HSF2: variants seen among roughly 807,000 people sequenced by gnomAD.
HSF2 encodes heat shock transcription factor 2, also known as heat shock factor protein 2.
A neutral mutation model predicts 65.0 loss-of-function variants in HSF2; 21 were observed. That is an observed-to-expected ratio of 0.32 (90% CI 0.23 to 0.47). The LOEUF (loss-of-function observed/expected upper bound fraction) is 0.47, where lower values mean the gene tolerates loss of function less well. HSF2 is among the 20% of genes least tolerant of loss of function. The pLI, the probability that HSF2 is intolerant of heterozygous loss-of-function variation, is 1.00. For synonymous variants in HSF2, 225 were observed against 219.1 expected (o/e 1.03, Z -0.24); for missense variants, 499 against 628.1 (o/e 0.79, Z 2.20).
chr6:122,417,975 T>G (rs990388818), intron 5 of HSF2, among the ~76,000 whole-genome samples: 4 of 152,184 alleles, frequency 2.6e-5, no homozygotes, highest in Non-Finnish European at 4.4e-5. Flanking sequence ...AATGTCTATA[T>G]TTTTTTCCAT....
chr6:122,420,919 C>T (rs1043424297), intron 7 of HSF2, among the ~76,000 whole-genome samples: 6 of 151,258 alleles, frequency 4.0e-5, no homozygotes, highest in South Asian at 4.2e-4. Context: ...ATCATGTCAC[C>T]TTTGCTGGTC....
intron 1 of HSF2, among the ~76,000 whole-genome samples, chr6:122,400,692 A>T (rs1773708390): frequency 1.3e-5 from 2 of 152,244 alleles, no homozygotes; most frequent in Non-Finnish European, 2.9e-5. Flanking sequence ...GACCTATATC[A>T]GTCCCAAATA....
chr6:122,405,407 A>G (rs1773848053), intron 1 of HSF2, among the ~76,000 whole-genome samples: 1 of 152,194 alleles, frequency 6.6e-6, no homozygotes, highest in South Asian at 2.1e-4. Context: ...CAAGAGGGTA[A>G]GTTTAATAGA....
chr6:122,425,078 T>C (rs915858111), intron 10 of HSF2, among the ~76,000 whole-genome samples: 24 of 152,010 alleles, frequency 1.6e-4, no homozygotes, highest in African/African-American at 5.6e-4. Context: ...TCTGTATTTG[T>C]CTCCTCTATC....
At chr6:122,411,210 TACTG>T (rs1468367381) in intron 1 of HSF2, among the ~76,000 whole-genome samples, 2 of 151,864 alleles carry the variant, frequency 1.3e-5, no homozygotes, top group African/African-American at 2.4e-5. Flanking sequence ...TGATTTGTGT[TACTG>T]ACCATCTTTT....
intron 4 of HSF2, among the ~76,000 whole-genome samples, chr6:122,415,665 G>A (rs992349882): frequency 6.6e-6 from 1 of 152,062 alleles, no homozygotes; most frequent in African/African-American, 2.4e-5. Context: ...GTAGGCATAT[G>A]TCTTAAGTTT....
intron 1 of HSF2, among the ~76,000 whole-genome samples, chr6:122,402,110 A>G (rs1294406935): frequency 6.6e-6 from 1 of 152,242 alleles, no homozygotes; most frequent in African/African-American, 2.4e-5. Context: ...GCCCAAGACA[A>G]TTCTTCTTCC....
chr6:122,422,331 T>C (rs753665955), intron 8 of HSF2, 33 bp downstream of exon 8: 1 of 1,453,666 alleles, frequency 6.9e-7, no homozygotes, highest in Non-Finnish European at 9.5e-7. Context: ...TGTATGAAAA[T>C]ATTGATTACT....
Position 122,413,619 on chromosome 6 carries a change from C to T in HSF2, c.425C>T (p.Thr142Ile). 1 of 1,606,110 alleles carries T rather than the reference C, an allele frequency of 6.2e-7. No homozygotes were observed. Among genetic ancestry groups the T allele is most frequent in the Non-Finnish European group, 8.5e-7 (1 of 1,173,596 alleles). Residue 142 changes from threonine to isoleucine, a missense_variant, in exon 4 of 13, where the codon ACT becomes ATT. Around this residue, in one of 2 missense-constraint regions of HSF2, gnomAD observed 150 missense variants for 234.6 expected, o/e 0.64. Transcript: ENST00000368455. ...SAQKVQIKQETIESRLSELKS... is the reference protein window; with the variant it reads ...SAQKVQIKQEIIESRLSELKS... ...CAGAAGGTTCAGATAAAACAGGAAA[C>T]TATTGAGTCCAGGCTTTCTGAATTA...
At position 122,427,925 on chromosome 6, in the gene HSF2, T is replaced by C. The variant is rs1338883064; in HGVS notation, c.1199T>C (p.Met400Thr). Reference sequence around the variant, plus strand: ...CAGCTTTTCACTAGTTCTGTGCAGATGAATCCCACAGATTACATCAATAAT... The same window carrying C: ...CAGCTTTTCACTAGTTCTGTGCAGACGAATCCCACAGATTACATCAATAAT... ...LVDLFTSSVQ[M>T]NPTDYINNTK... Residue 400 changes from methionine (M) to threonine (T), a missense_variant, in exon 11 of 13, where the codon ATG becomes ACG. Physicochemically the swap from Met to Thr is moderately conservative, Grantham distance 81. Transcript: ENST00000368455. 4 of 1,602,592 alleles carry C rather than the reference T, an allele frequency of 2.5e-6. No homozygotes were observed. Among genetic ancestry groups the C allele is most frequent in the East Asian group, 2.2e-5 (1 of 44,666 alleles).
chr6:122,423,317 A>G (rs1229947117), intron 9 of HSF2, among the ~76,000 whole-genome samples: 4 of 152,202 alleles, frequency 2.6e-5, no homozygotes, highest in Admixed American at 6.6e-5. Flanking sequence ...AACATTTTAT[A>G]TAGTATAGAG....
At chr6:122,431,012 G>A (rs561004598) in intron 11 of HSF2, among the ~76,000 whole-genome samples, 1 of 152,160 alleles carries the variant, frequency 6.6e-6, no homozygotes, top group East Asian at 1.9e-4. Flanking sequence ...TAAATATTCT[G>A]TTTATGAGTG....
intron 1 of HSF2, among the ~76,000 whole-genome samples, chr6:122,409,236 T>C (rs1773934606): frequency 6.6e-6 from 1 of 151,988 alleles, no homozygotes; most frequent in African/African-American, 2.4e-5. Flanking sequence ...GTGTTTAGCA[T>C]CAAAGCCCAG....
At chr6:122,415,017 C>A (rs1336301692) in intron 4 of HSF2, among the ~76,000 whole-genome samples, 3 of 151,962 alleles carry the variant, frequency 2.0e-5, no homozygotes, top group African/African-American at 7.3e-5. Context: ...TTTGGTATAC[C>A]CTTATATGTA....
chr6:122,411,011 T>G (rs2114430102), intron 1 of HSF2, among the ~76,000 whole-genome samples: 1 of 151,306 alleles, frequency 6.6e-6, no homozygotes, highest in Admixed American at 6.6e-5. Context: ...GTTCTTTGTT[T>G]AATTTTTAAA....
intron 10 of HSF2, among the ~76,000 whole-genome samples, chr6:122,424,959 T>C (rs186486386): frequency 6.6e-6 from 1 of 152,222 alleles, no homozygotes; most frequent in Admixed American, 6.6e-5. Context: ...TCACAGAGGA[T>C]AATTAACTAT....
intron 1 of HSF2, 147 bp downstream of exon 1, chr6:122,399,977 A>T: frequency 1.5e-6 from 1 of 665,578 alleles, no homozygotes; most frequent in Admixed American, 2.9e-5. Flanking sequence ...CTCGCGGGGG[A>T]CCCCCTGTAT....
At position 122,431,468 on chromosome 6, in the gene HSF2, A is replaced by G. The variant is rs139501295; in HGVS notation, c.1269A>G (p.Val423=). ...NKGLETTKNN[V]VQPVSEEGRK... ...GATTAGAAACTACCAAGAACAATGTAGTTCAGCCAGTTTCGGAAGAGGGAA... is the reference window on the plus strand; with the variant it reads ...GATTAGAAACTACCAAGAACAATGTGGTTCAGCCAGTTTCGGAAGAGGGAA... Residue 423 remains valine, a synonymous_variant, in exon 12 of 13, where the codon GTA becomes GTG. Coordinates refer to ENST00000368455, the MANE Select transcript of HSF2 (RefSeq NM_004506.4). 92 of 1,591,778 alleles carry G rather than the reference A, an allele frequency of 5.8e-5. No individual in the cohort carries two copies. In the African/African-American group the frequency reaches 1.2e-3, roughly 21 times the overall value.
intron 1 of HSF2, among the ~76,000 whole-genome samples, chr6:122,408,983 C>T (rs1295702758): frequency 1.3e-5 from 2 of 151,174 alleles, no homozygotes; most frequent in African/African-American, 2.4e-5. Context: ...AGTTAAAGAA[C>T]ATAGTGTAAA....
Sources: allele counts gnomAD v4.1 joint callset (sites outside exome capture counted in the v4.1 genomes callset), GRCh38; gene constraint gnomAD v4.1.1; regional missense constraint gnomAD v4.1.1; transcripts MANE v1.5; gene names NCBI Gene and HGNC (gene_info 2026-07-23, HGNC 2026-07-21).